PDE4D: variants seen among roughly 807,000 people sequenced by gnomAD.
PDE4D encodes 3',5'-cyclic-AMP phosphodiesterase 4D.
PDE4D carries 24 observed loss-of-function variants against 87.4 expected under a neutral mutation model. The ratio of observed to expected loss-of-function variants is 0.27; its 90% CI spans 0.20 to 0.39. PDE4D has a LOEUF of 0.39. Among genes scored for constraint, PDE4D ranks in the 10% least tolerant of loss-of-function variants. PDE4D has a pLI of 1.00. For synonymous variants in PDE4D, 384 were observed against 383.2 expected, an observed-to-expected ratio of 1.00 and a Z score of -0.02; for missense variants, 714 against 1,041.0, an observed-to-expected ratio of 0.69 and a Z score of 4.32.
At position 59,023,467 on chromosome 5, in the gene PDE4D, C is replaced by CA. The variant is rs3060391; in HGVS notation, c.921+15391dup. On this transcript the variant is annotated intron_variant, in intron 6 of 14. Transcript: ENST00000340635. ...GTAACATAGTGAGACCCTGTCTCTACAAAAAAAAAAAAAAAAAGTTAAATT... is the reference window on the plus strand; with the variant it reads ...GTAACATAGTGAGACCCTGTCTCTACAAAAAAAAAAAAAAAAAAGTTAAATT... Among the ~76,000 whole-genome samples the CA allele has an allele frequency of 5.7e-3, 731 of 128,612 alleles. 6 individuals carry two copies. Among genetic ancestry groups the CA allele is most frequent in the Non-Finnish European group, 8.9e-3 (521 of 58,776 alleles). The allele number at this position is 128,612 out of a possible 152,430, so 84.4% of individuals were successfully genotyped here.
intron 3 of PDE4D, among the ~76,000 whole-genome samples, chr5:59,952,155 C>A (rs1758359796): frequency 6.6e-6 from 1 of 152,130 alleles, no homozygotes; most frequent in African/African-American, 2.4e-5. Context: ...ACTCTTCACT[C>A]TTTTTCCTCT....
chr5:59,421,155 T>G (rs1794428206), intron 1 of PDE4D, among the ~76,000 whole-genome samples: 1 of 152,204 alleles, frequency 6.6e-6, no homozygotes, highest in South Asian at 2.1e-4. Flanking sequence ...TCAAGAAATC[T>G]TAGGAGAATT....
At position 58,971,222 on chromosome 5, in the gene PDE4D, G is replaced by A. The variant is rs937680460; in HGVS notation, c.*3442C>T. ...GGCACAGCCCTGGGACCAAAGACCT[G>A]CAGCTATGTTTTTTTAAATTTATAT... On this transcript the variant is annotated 3_prime_UTR_variant, in exon 15 of 15. Coordinates refer to ENST00000340635, the MANE Select transcript of PDE4D (RefSeq NM_001104631.2). 2 of 152,250 alleles carry A rather than the reference G, an allele frequency of 1.3e-5. No homozygotes were observed. Among genetic ancestry groups the A allele is most frequent in the Non-Finnish European group, 2.9e-5 (2 of 68,026 alleles). The allele number at this position is 152,250 out of a possible 1,614,324, so 9.4% of individuals were successfully genotyped here. A position where few individuals can be genotyped will look rare whatever the true frequency, so the allele number is the denominator to read the frequency against.
At chr5:60,160,513 G>GAA (rs199695648) in intron 2 of PDE4D, among the ~76,000 whole-genome samples, 12 of 149,840 alleles carry the variant, frequency 8.0e-5, no homozygotes, top group African/African-American at 2.9e-4. Flanking sequence ...TTTTAAAAGA[G>GAA]AAAAAAAAAT....
chr5:59,627,616 T>C (rs1831047878), intron 1 of PDE4D, among the ~76,000 whole-genome samples: 1 of 152,192 alleles, frequency 6.6e-6, no homozygotes. Context: ...CAGTAACACA[T>C]TGGAGTATGT....
intron 1 of PDE4D, among the ~76,000 whole-genome samples, chr5:59,308,128 G>T (rs1008143787): frequency 6.0e-5 from 9 of 149,784 alleles, no homozygotes; most frequent in Non-Finnish European, 1.0e-4. Context: ...ACCAAACACC[G>T]CATGTTCTCA....
rs1188743077 is a variant in PDE4D, at chr5:59,238,804, T to A, written c.456-22836A>T. Among the ~76,000 whole-genome samples the A allele has an allele frequency of 4.6e-5, 7 of 152,178 alleles. 1 individual carries two copies. Among genetic ancestry groups the A allele is most frequent in the Admixed American group, 4.6e-4 (7 of 15,264 alleles). On this transcript the variant is annotated intron_variant, in intron 1 of 14. Transcript: ENST00000340635. ...CAAAACATCAAGCAAGATGTAACAA[T>A]CTCTCTCATATCCTAGTCTCATACA...
At chr5:60,326,439 C>T (rs575751594) in intron 1 of PDE4D, among the ~76,000 whole-genome samples, 1 of 152,208 alleles carries the variant, frequency 6.6e-6, no homozygotes, top group East Asian at 1.9e-4. Flanking sequence ...TAACACTAGA[C>T]ACTTTAATTC....
chr5:60,048,587 C>G (rs1026356522), intron 2 of PDE4D, among the ~76,000 whole-genome samples: 5 of 151,758 alleles, frequency 3.3e-5, no homozygotes, highest in Non-Finnish European at 5.9e-5. Flanking sequence ...TCAGCATTTG[C>G]TTGTCTGTAA....
At chr5:60,509,559 T>A (rs1750478032) in intron 1 of PDE4D, among the ~76,000 whole-genome samples, 1 of 152,128 alleles carries the variant, frequency 6.6e-6, no homozygotes, top group Non-Finnish European at 1.5e-5. Flanking sequence ...CGCACCTGAG[T>A]TCCCCCTCCA....
chr5:59,620,709 A>C (rs1319290192), intron 1 of PDE4D, among the ~76,000 whole-genome samples: 1 of 152,204 alleles, frequency 6.6e-6, no homozygotes, highest in Non-Finnish European at 1.5e-5. Flanking sequence ...CCAAAGCATG[A>C]ATACTTTTAA....
intron 2 of PDE4D, among the ~76,000 whole-genome samples, chr5:60,003,824 A>G (rs140159348): frequency 1.3e-3 from 193 of 152,264 alleles, no homozygotes; most frequent in African/African-American, 4.4e-3. Context: ...ACTGGCATAA[A>G]AACAGACACA....
chr5:60,072,026 G>A lies in PDE4D; in HGVS notation c.43-83309C>T, dbSNP rs183990658. Among the ~76,000 whole-genome samples, 210 of 152,236 alleles carry A rather than the reference G, an allele frequency of 1.4e-3. 2 individuals carry two copies. Among genetic ancestry groups the A allele is most frequent in the South Asian group, 0.01 (49 of 4,822 alleles). Reference sequence around the variant, plus strand: ...GATGAAACAGTTTCTATTCCCTTGCGTATACATCCAGTAATGGGACTGCTG... The same window carrying A: ...GATGAAACAGTTTCTATTCCCTTGCATATACATCCAGTAATGGGACTGCTG... On this transcript the variant is annotated intron_variant, in intron 2 of 16. Coordinates refer to the PDE4D transcript ENST00000502484.
intron 1 of PDE4D, among the ~76,000 whole-genome samples, chr5:59,691,072 C>T (rs1289865578): frequency 6.6e-6 from 1 of 152,134 alleles, no homozygotes; most frequent in African/African-American, 2.4e-5. Flanking sequence ...AAGGAAACAA[C>T]AGGTGCTAGA....
At chr5:60,183,254 G>C (rs1004355893) in intron 2 of PDE4D, among the ~76,000 whole-genome samples, 2 of 152,188 alleles carry the variant, frequency 1.3e-5, no homozygotes, top group South Asian at 2.1e-4. Flanking sequence ...AAGCCACCTA[G>C]TCTATGGTAT....
intron 11 of PDE4D, among the ~76,000 whole-genome samples, chr5:58,983,896 C>A (rs182686681): frequency 6.6e-6 from 1 of 152,310 alleles, no homozygotes; most frequent in East Asian, 1.9e-4. Flanking sequence ...CCTCCCAAAT[C>A]CAACTAAGTC....
chr5:59,411,974 G>C (rs962464351), intron 1 of PDE4D, among the ~76,000 whole-genome samples: 1 of 151,962 alleles, frequency 6.6e-6, no homozygotes. Context: ...ATCAATTATC[G>C]TGCATCTATT....
chr5:60,428,787 C>A (rs920710482), intron 1 of PDE4D, among the ~76,000 whole-genome samples: 1 of 152,146 alleles, frequency 6.6e-6, no homozygotes, highest in African/African-American at 2.4e-5. Context: ...GTTACCAATG[C>A]CTTACAATTT....
At chr5:58,989,083 A>G (rs1747248965) in intron 10 of PDE4D, among the ~76,000 whole-genome samples, 1 of 152,126 alleles carries the variant, frequency 6.6e-6, no homozygotes, top group Non-Finnish European at 1.5e-5. Flanking sequence ...GCCTCTACCA[A>G]CAAGATGCCA....
Sources: allele counts gnomAD v4.1 joint callset (sites outside exome capture counted in the v4.1 genomes callset), GRCh38; gene constraint gnomAD v4.1.1; transcripts MANE v1.5; gene names NCBI Gene and HGNC (gene_info 2026-07-23, HGNC 2026-07-21).